The following SGCZ variants were observed in gnomAD, a reference collection of about 807,000 sequenced individuals.
SGCZ encodes sarcoglycan zeta.
SGCZ carries 40 observed loss-of-function variants against 41.3 expected under a neutral mutation model. The ratio of observed to expected loss-of-function variants is 0.97; its 90% confidence interval spans 0.75 to 1.26. The LOEUF is 1.26. Among genes scored for constraint, SGCZ ranks in the 50% most tolerant of loss-of-function variants. SGCZ has a pLI of 0.00. For synonymous variants in SGCZ, 206 were observed against 137.5 expected (o/e 1.50, Z -3.49); for missense variants, 552 against 369.8 (o/e 1.49, Z -4.04).
At chr8:14,849,996 A>G (rs1302741666) in intron 1 of SGCZ, among the ~76,000 whole-genome samples, 1 of 152,206 alleles carries the variant, frequency 6.6e-6, no homozygotes, top group Non-Finnish European at 1.5e-5. Flanking sequence ...TGAGAACAGA[A>G]CATTCTACTG....
chr8:14,839,613 A>C (rs1802829568), intron 1 of SGCZ, among the ~76,000 whole-genome samples: 1 of 152,064 alleles, frequency 6.6e-6, no homozygotes, highest in Non-Finnish European at 1.5e-5. Flanking sequence ...CCAATGTTCT[A>C]ATGAAAGTCT....
chr8:14,863,210 C>A (rs1471309585), intron 1 of SGCZ, among the ~76,000 whole-genome samples: 1 of 152,136 alleles, frequency 6.6e-6, no homozygotes. Flanking sequence ...TGCAGCTGTC[C>A]GTACTGATAG....
At chr8:14,611,872 C>T (rs944257152) in intron 1 of SGCZ, among the ~76,000 whole-genome samples, 1 of 152,072 alleles carries the variant, frequency 6.6e-6, no homozygotes, top group Non-Finnish European at 1.5e-5. Flanking sequence ...GATGCAAAAG[C>T]TTGTCACTCA....
rs563694022 is a variant in SGCZ at position 14,086,496 on chromosome 8, A to G, written c.*3947T>C. ...TTGAATGGAATAAAACAGTTCAGCA[A>G]TTAACCTCTGTGATCACATTATCAT... On this transcript the variant is annotated 3_prime_UTR_variant, in exon 8 of 8. Transcript: ENST00000382080. Among the ~76,000 whole-genome samples, 11 of 151,860 alleles carry G rather than the reference A, an allele frequency of 7.2e-5. No individual in the cohort carries two copies. The highest frequency in any genetic ancestry group is 1.7e-4 in the African/African-American group (7 of 41,534).
intron 2 of SGCZ, among the ~76,000 whole-genome samples, chr8:14,464,055 A>T (rs1800978241): frequency 6.6e-6 from 1 of 151,652 alleles, no homozygotes; most frequent in Non-Finnish European, 1.5e-5. Context: ...ATCAATGTTC[A>T]TAAGGAATAC....
chr8:14,215,390 A>T (rs1413917669), intron 4 of SGCZ, among the ~76,000 whole-genome samples: 1 of 152,156 alleles, frequency 6.6e-6, no homozygotes, highest in Non-Finnish European at 1.5e-5. Context: ...AGACAAACTT[A>T]CAGCATCCAC....
intron 2 of SGCZ, among the ~76,000 whole-genome samples, chr8:14,532,185 A>G (rs73190288): frequency 0.019 from 2,832 of 152,214 alleles, 45 homozygotes; most frequent in Non-Finnish European, 0.028. Context: ...AAAGTAAGGC[A>G]CTAAAAATCA....
chr8:14,304,032 G>A (rs181805292), intron 3 of SGCZ, among the ~76,000 whole-genome samples: 78 of 152,148 alleles, frequency 5.1e-4, no homozygotes, highest in East Asian at 2.9e-3. Flanking sequence ...GATTGCAGGC[G>A]TGAGCCACTG....
intron 3 of SGCZ, among the ~76,000 whole-genome samples, chr8:14,241,391 C>T (rs1351070): frequency 1 from 148,489 of 149,192 alleles, 73,899 homozygotes; most frequent in East Asian, 1. Flanking sequence ...TTGCATGATA[C>T]ACTACTATAA....
intron 1 of SGCZ, among the ~76,000 whole-genome samples, chr8:15,186,074 T>A (rs986395046): frequency 4.4e-4 from 62 of 140,398 alleles, no homozygotes; most frequent in African/African-American, 8.0e-4. Context: ...ATAAAAAAAA[T>A]AAATAAATAA....
At chr8:14,808,176 G>T (rs1229998946) in intron 1 of SGCZ, among the ~76,000 whole-genome samples, 1 of 152,152 alleles carries the variant, frequency 6.6e-6, no homozygotes, top group Non-Finnish European at 1.5e-5. Flanking sequence ...CATGGGCAAG[G>T]ACTTCATGTC....
intron 1 of SGCZ, among the ~76,000 whole-genome samples, chr8:14,838,041 G>A (rs191710360): frequency 3.9e-4 from 60 of 152,126 alleles, no homozygotes; most frequent in African/African-American, 1.3e-3. Context: ...CATTTGCCAC[G>A]ACGTGGACAG....
chr8:15,237,777 G>T lies in SGCZ; in HGVS notation c.-154C>A. ...CTCCGTGGTCACGCCGCCTCCACCG[G>T]GTTAAAAATAAGGAAAATAAATAAA... On this transcript the variant is annotated 5_prime_UTR_variant, in exon 1 of 8. Coordinates refer to ENST00000382080, the MANE Select transcript of SGCZ (RefSeq NM_139167.4). 2 of 625,446 alleles carry T rather than the reference G, an allele frequency of 3.2e-6. No individual in the cohort carries two copies. Among genetic ancestry groups the T allele is most frequent in the Non-Finnish European group, 2.8e-6 (1 of 355,836 alleles). 38.7% of individuals were successfully genotyped at this position (625,446 alleles called of 1,614,324 possible). A position where few individuals can be genotyped will look rare whatever the true frequency, so the allele number is the denominator to read the frequency against.
At chr8:14,800,902 A>G (rs1462476948) in intron 1 of SGCZ, among the ~76,000 whole-genome samples, 1 of 110,896 alleles carries the variant, frequency 9.0e-6, no homozygotes, top group Admixed American at 1.0e-4. Flanking sequence ...CAAACAAAAA[A>G]CATCAGAAAA....
chr8:14,817,561 A>C (rs1456301187), intron 1 of SGCZ, among the ~76,000 whole-genome samples: 1 of 152,130 alleles, frequency 6.6e-6, no homozygotes. Flanking sequence ...CCCATTCCTG[A>C]GACACCATTG....
At chr8:14,754,080 C>CA (rs1454668579) in intron 1 of SGCZ, among the ~76,000 whole-genome samples, 2 of 152,142 alleles carry the variant, frequency 1.3e-5, no homozygotes, top group Non-Finnish European at 2.9e-5. Flanking sequence ...CAGAGTTCTG[C>CA]ATTGAGTTTT....
At chr8:14,924,590 T>C (rs1022686232) in intron 1 of SGCZ, among the ~76,000 whole-genome samples, 3 of 152,148 alleles carry the variant, frequency 2.0e-5, no homozygotes, top group Non-Finnish European at 4.4e-5. Flanking sequence ...CACATATTTC[T>C]AGATTTTTTA....
intron 2 of SGCZ, among the ~76,000 whole-genome samples, chr8:14,407,929 C>CGAG (rs1799255661): frequency 6.6e-6 from 1 of 152,134 alleles, no homozygotes; most frequent in Non-Finnish European, 1.5e-5. Flanking sequence ...TTTTGCTTTT[C>CGAG]ACTTATTTTT....
chr8:14,206,859 T>C (rs1805632603), intron 4 of SGCZ, among the ~76,000 whole-genome samples: 1 of 152,130 alleles, frequency 6.6e-6, no homozygotes, highest in South Asian at 2.1e-4. Context: ...CCTAAGTTTG[T>C]TTTGTGTCTC....
Sources: gnomAD v4.1 joint callset for allele counts (sites outside exome capture counted in the v4.1 genomes callset) on GRCh38, gnomAD v4.1.1 for gene constraint, MANE v1.5 for transcripts, NCBI Gene and HGNC (gene_info 2026-07-23, HGNC 2026-07-21) for gene names.